MCC: variants seen among roughly 807,000 people sequenced by gnomAD.
The protein encoded by MCC is colorectal mutant cancer protein.
MCC carries 90 observed loss-of-function variants against 116.2 expected under a neutral mutation model. That is an observed-to-expected ratio of 0.77 (90% CI 0.65 to 0.92). The LOEUF (loss-of-function observed/expected upper bound fraction) is 0.92. MCC is among the 40% of genes least tolerant of loss of function. The probability of loss-of-function intolerance (pLI) is 0.00; values close to 1 mark genes in which losing one functional copy is unlikely to be tolerated. For synonymous variants in MCC, 578 were observed against 510.5 expected, an observed-to-expected ratio of 1.13 and a Z score of -1.78; for missense variants, 1,516 against 1,312.2, an observed-to-expected ratio of 1.16 and a Z score of -2.40.
rs376437100 is a variant in MCC, at chr5:113,055,415, G to A, written c.2214-1456C>T. Among the ~76,000 whole-genome samples, 8 of 152,290 alleles carry A rather than the reference G, an allele frequency of 5.3e-5. No individual in the cohort carries two copies. In the South Asian group the frequency reaches 8.3e-4, roughly 16 times the overall value. On this transcript the variant is annotated intron_variant, in intron 14 of 18. Coordinates refer to ENST00000408903, the MANE Select transcript of MCC (RefSeq NM_001085377.2). Reference sequence around the variant, plus strand: ...CATGAGTGAGGGCAGGCCCACTCTTGTACATGACACATTGCTACGAAGACA... The same window carrying A: ...CATGAGTGAGGGCAGGCCCACTCTTATACATGACACATTGCTACGAAGACA...
intron 8 of MCC, chr5:113,101,532 A>G (rs1756409100): frequency 3.5e-6 from 2 of 576,918 alleles, no homozygotes; most frequent in African/African-American, 1.9e-5. Flanking sequence ...TCCAGAGAAA[A>G]GTGTTTGCTT....
chr5:113,235,605 C>T (rs1764099379), intron 3 of MCC, among the ~76,000 whole-genome samples: 1 of 152,228 alleles, frequency 6.6e-6, no homozygotes, highest in Non-Finnish European at 1.5e-5. Flanking sequence ...TTTGAGGGCA[C>T]AGTGCTTCGC....
At chr5:113,437,566 G>T (rs1561572512) in intron 1 of MCC, among the ~76,000 whole-genome samples, 10 of 152,074 alleles carry the variant, frequency 6.6e-5, no homozygotes, top group Admixed American at 4.6e-4. Context: ...AAAAATCTGG[G>T]CAACAGATGA....
intron 3 of MCC, among the ~76,000 whole-genome samples, chr5:113,263,384 C>T (rs1765285972): frequency 6.6e-6 from 1 of 152,164 alleles, no homozygotes; most frequent in African/African-American, 2.4e-5. Flanking sequence ...TATTGGCTAC[C>T]ATGCCAAAGG....
chr5:113,452,039 G>C (rs1259340342), intron 1 of MCC, among the ~76,000 whole-genome samples: 2 of 152,194 alleles, frequency 1.3e-5, no homozygotes, highest in African/African-American at 4.8e-5. Flanking sequence ...TCCTCCACAT[G>C]TCCCGTCAAT....
At chr5:113,246,180 CA>C (rs1481648503) in intron 3 of MCC, among the ~76,000 whole-genome samples, 14 of 152,314 alleles carry the variant, frequency 9.2e-5, no homozygotes, top group Non-Finnish European at 1.9e-4. Flanking sequence ...GACTCCAAAA[CA>C]AGTCACATTC....
At chr5:113,274,044 C>A (rs945860059) in intron 3 of MCC, among the ~76,000 whole-genome samples, 3 of 152,218 alleles carry the variant, frequency 2.0e-5, no homozygotes, top group Non-Finnish European at 2.9e-5. Context: ...CACATACAAA[C>A]AGGTAAACAT....
chr5:113,337,166 C>T (rs1256121722), intron 3 of MCC, among the ~76,000 whole-genome samples: 14 of 152,168 alleles, frequency 9.2e-5, no homozygotes, highest in Non-Finnish European at 1.6e-4. Context: ...TAGGCGCCAG[C>T]AGCATAGGAC....
intron 11 of MCC, among the ~76,000 whole-genome samples, chr5:113,078,893 T>C (rs1754651038): frequency 6.6e-6 from 1 of 152,218 alleles, no homozygotes; most frequent in African/African-American, 2.4e-5. Context: ...ATGACATGAT[T>C]GTATATTTAG....
chr5:113,431,419 G>T (rs1373616194), intron 1 of MCC, among the ~76,000 whole-genome samples: 1 of 152,024 alleles, frequency 6.6e-6, no homozygotes, highest in Non-Finnish European at 1.5e-5. Flanking sequence ...TCTCTCCTGG[G>T]CACCAGTCAT....
At chr5:113,132,437 TATATATACACACACACACACACACAC>T (rs1561385087) in intron 5 of MCC, among the ~76,000 whole-genome samples, 4 of 75,618 alleles carry the variant, frequency 5.3e-5, no homozygotes, top group Non-Finnish European at 1.1e-4. Flanking sequence ...CATATATATA[TATATATACACACACACACACACACAC>T]ACACACACAC....
At chr5:113,413,737 G>T (rs1431786503) in intron 1 of MCC, among the ~76,000 whole-genome samples, 1 of 152,046 alleles carries the variant, frequency 6.6e-6, no homozygotes, top group Admixed American at 6.6e-5. Flanking sequence ...TGGATTCACT[G>T]ATTTTTGAAG....
chr5:113,253,099 C>G (rs1452634715), intron 3 of MCC, among the ~76,000 whole-genome samples: 4 of 152,186 alleles, frequency 2.6e-5, no homozygotes, highest in Non-Finnish European at 5.9e-5. Flanking sequence ...CTACCCCAAC[C>G]CACTGGGGCA....
At chr5:113,197,025 GAAATGT>G (rs1395312378) in intron 3 of MCC, among the ~76,000 whole-genome samples, 1 of 152,166 alleles carries the variant, frequency 6.6e-6, no homozygotes, top group Non-Finnish European at 1.5e-5. Context: ...CCTGGTTCTG[GAAATGT>G]AAGATGTATA....
At chr5:113,218,534 G>A (rs1379586657) in intron 3 of MCC, among the ~76,000 whole-genome samples, 2 of 152,162 alleles carry the variant, frequency 1.3e-5, no homozygotes, top group African/African-American at 2.4e-5. Context: ...AATCCCACAA[G>A]TGCAACTAAT....
In MCC at chr5:113,313,815, TTTTG is replaced by T. The variant is rs148186587; in HGVS notation, c.627+26700_627+26703del. Among the ~76,000 whole-genome samples, 221 of 151,540 alleles carry T rather than the reference TTTTG, an allele frequency of 1.5e-3. 4 individuals carry two copies. Among genetic ancestry groups the T allele is most frequent in the African/African-American group, 4.3e-3 (175 of 41,158 alleles). ...CTCTCTCTGTCTGTTTTTTGTTTTG[TTTTG>T]TTTGTTTGTTTGTTTGTTTCAGACA... On this transcript the variant is annotated intron_variant, in intron 3 of 18. Coordinates refer to ENST00000408903, the MANE Select transcript of MCC (RefSeq NM_001085377.2).
chr5:113,143,364 G>A lies in MCC; in HGVS notation c.742-4C>T, dbSNP rs754034360. 9 of 1,613,318 alleles carry A rather than the reference G, an allele frequency of 5.6e-6. No individual in the cohort carries two copies. Among genetic ancestry groups the A allele is most frequent in the Admixed American group, 1.7e-5 (1 of 59,852 alleles). On this transcript the variant is annotated splice_polypyrimidine_tract_variant and splice_region_variant and intron_variant, in intron 4 of 18. Coordinates refer to ENST00000408903, the MANE Select transcript of MCC (RefSeq NM_001085377.2). ...TCATGAGGTGGGACTGCTCGCACTG[G>A]GAATAAGGGAAAAGGACAGAAGTGC...
intron 6 of MCC, among the ~76,000 whole-genome samples, chr5:113,109,373 C>T (rs2150260255): frequency 6.6e-6 from 1 of 152,102 alleles, no homozygotes; most frequent in South Asian, 2.1e-4. Flanking sequence ...AACATGAACC[C>T]TGAAAACATT....
chr5:113,035,822 T>C (rs1294900289), intron 17 of MCC, among the ~76,000 whole-genome samples: 1 of 152,044 alleles, frequency 6.6e-6, no homozygotes, highest in Non-Finnish European at 1.5e-5. Flanking sequence ...GGAAAAAAAA[T>C]CTCCACAGTG....
Sources: gnomAD v4.1 joint callset for allele counts (sites outside exome capture counted in the v4.1 genomes callset) on GRCh38, gnomAD v4.1.1 for gene constraint, MANE v1.5 for transcripts, NCBI Gene and HGNC (gene_info 2026-07-23, HGNC 2026-07-21) for gene names.